CSE1L: variants seen among roughly 807,000 people sequenced by gnomAD.
The protein encoded by CSE1L is exportin-2.
A neutral mutation model predicts 120.4 loss-of-function variants in CSE1L; 24 were observed. The observed-to-expected ratio is 0.20, with a 90% CI of 0.14 to 0.28. The LOEUF is 0.28. Among genes scored for constraint, CSE1L ranks in the 10% least tolerant of loss-of-function variants. The pLI is 1.00. For missense variants in CSE1L, 830 were observed against 1,145.2 expected (o/e 0.72, Z 3.97); for synonymous variants, 402 against 398.3 (o/e 1.01, Z -0.11).
chr20:49,074,353 G>A (rs183071166), intron 10 of CSE1L, among the ~76,000 whole-genome samples: 1 of 151,964 alleles, frequency 6.6e-6, no homozygotes, highest in Admixed American at 6.6e-5. Context: ...TTACACGCGT[G>A]AGCCACCATG....
intron 10 of CSE1L, among the ~76,000 whole-genome samples, chr20:49,074,268 C>T (rs532636032): frequency 2.8e-5 from 4 of 144,234 alleles, no homozygotes; most frequent in Non-Finnish European, 6.0e-5. Flanking sequence ...GATGAGATCT[C>T]GCTGTGTTGA....
At chr20:49,085,817 C>T (rs569982286) in intron 16 of CSE1L, among the ~76,000 whole-genome samples, 55 of 151,944 alleles carry the variant, frequency 3.6e-4, no homozygotes, top group African/African-American at 1.1e-3. Context: ...AATATCTGCC[C>T]GCCTCAGCCT....
chr20:49,082,712 G>A (rs990643898), intron 14 of CSE1L, among the ~76,000 whole-genome samples: 2 of 151,684 alleles, frequency 1.3e-5, no homozygotes, highest in Admixed American at 6.6e-5. Context: ...TAGTAGAGAC[G>A]GGGTTTCACT....
chr20:49,090,681 T>A, intron 19 of CSE1L, 61 bp from the exon 20 acceptor site: 1 of 1,260,494 alleles, frequency 7.9e-7, no homozygotes, highest in Non-Finnish European at 1.2e-6. Context: ...ATATATCATG[T>A]TTAACTTTTC....
intron 22 of CSE1L, 117 bp from the exon 23 acceptor site, chr20:49,094,023 A>C (rs2092121792): frequency 4.1e-6 from 1 of 244,748 alleles, no homozygotes; most frequent in Admixed American, 8.1e-5. Flanking sequence ...GATCAAAAAC[A>C]GCAGTCTTGT....
intron 1 of CSE1L, 66 bp from the exon 2 acceptor site, chr20:49,058,387 T>TTACA: frequency 8.5e-7 from 1 of 1,181,196 alleles, no homozygotes; most frequent in Non-Finnish European, 1.2e-6. Flanking sequence ...TATAAACGGA[T>TTACA]TTCTTTAAAT....
At chr20:49,075,628 C>CCA in intron 12 of CSE1L, 108 bp downstream of exon 12, 2 of 845,508 alleles carry the variant, frequency 2.4e-6, no homozygotes, top group Middle Eastern at 3.3e-4. Flanking sequence ...GCCAGATAAC[C>CCA]TATTCTGATT....
chr20:49,055,597 G>A (rs2091800440), intron 1 of CSE1L, among the ~76,000 whole-genome samples: 1 of 152,114 alleles, frequency 6.6e-6, no homozygotes, highest in South Asian at 2.1e-4. Context: ...TGCGCCTGTA[G>A]TCCCAGCTAC....
chr20:49,047,564 C>CTCTTTTTTTTTTTTTTTTT (rs2091726745), intron 1 of CSE1L, among the ~76,000 whole-genome samples: 1 of 69,928 alleles, frequency 1.4e-5, no homozygotes, highest in Non-Finnish European at 2.6e-5. Flanking sequence ...TTTCTCTTTT[C>CTCTTTTTTTTTTTTTTTTT]TTTTTTTTTT....
chr20:49,048,715 G>T lies in CSE1L; in HGVS notation c.-12+2292G>T, dbSNP rs1024722660. 2.6e-5 allele frequency among the ~76,000 whole-genome samples: 4 copies of T among 152,176 alleles called. No homozygotes were observed. The South Asian group carries it at 8.3e-4, about 31-fold the overall frequency. ...AATATCCAGGACCCGGATCATAGAA[G>T]GCTTTGTAGGCAATGTAAGGAGTTT... On this transcript the variant is annotated intron_variant, in intron 1 of 24. Coordinates refer to ENST00000262982, the MANE Select transcript of CSE1L (RefSeq NM_001316.4).
In CSE1L at chr20:49,063,314, C is replaced by G. The variant is rs1233085465; in HGVS notation, c.198C>G (p.Phe66Leu). ...NVIKVCASVT[F>L]KNYIKRNWRI... ...TCAAAGTATGTGCTTCAGTAACATT[C>G]AAAAACTATATTAAAAGGAACTGGA... Residue 66 changes from phenylalanine to leucine, a missense_variant, in exon 3 of 25, where the codon TTC becomes TTG. By Grantham distance (22) the Phe-to-Leu change is conservative. This residue lies in a region of CSE1L where 543 missense variants were observed against 640.2 expected (regional missense o/e 0.85). Coordinates refer to ENST00000262982, the MANE Select transcript of CSE1L (RefSeq NM_001316.4). 1 of 1,520,552 alleles carries G rather than the reference C, an allele frequency of 6.6e-7. No homozygotes were observed. Among genetic ancestry groups the G allele is most frequent in the Middle Eastern group, 1.7e-4 (1 of 5,778 alleles). 94.2% of individuals were successfully genotyped at this position (1,520,552 alleles called of 1,614,324 possible).
rs952248898 is a variant in CSE1L, at chr20:49,072,091, G to A, written c.769-195G>A. ...AGAATATACTGTTTGAATCTAATAC[G>A]GAAATATTTTGTAATTCAGCAACTT... On this transcript the variant is annotated intron_variant, in intron 8 of 24. Transcript: ENST00000262982. 3.3e-5 allele frequency among the ~76,000 whole-genome samples: 5 copies of A among 152,266 alleles called. No homozygotes were observed. The South Asian group carries it at 8.3e-4, about 25-fold the overall frequency.
intron 1 of CSE1L, among the ~76,000 whole-genome samples, chr20:49,056,240 G>A (rs916465048): frequency 6.6e-6 from 1 of 151,886 alleles, no homozygotes; most frequent in Non-Finnish European, 1.5e-5. Context: ...CAAGTAACTG[G>A]GATTACAGGT....
intron 17 of CSE1L, among the ~76,000 whole-genome samples, chr20:49,088,968 C>T (rs2092080836): frequency 6.6e-6 from 1 of 152,096 alleles, no homozygotes; most frequent in African/African-American, 2.4e-5. Context: ...ATTACTAGGA[C>T]TTAGTATTTC....
rs899187216 is a variant in CSE1L at position 49,058,462 on chromosome 20, C to T, written c.-2C>T. ...TTATTTTATATTTTAGATCCTATAGCAATGGAACTCAGCGATGCAAATCTG... is the reference window on the plus strand; with the variant it reads ...TTATTTTATATTTTAGATCCTATAGTAATGGAACTCAGCGATGCAAATCTG... On this transcript the variant is annotated 5_prime_UTR_variant, in exon 2 of 25. Coordinates refer to ENST00000262982, the MANE Select transcript of CSE1L (RefSeq NM_001316.4). 11 of 1,609,028 alleles carry T rather than the reference C, an allele frequency of 6.8e-6. No individual in the cohort carries two copies. The highest frequency in any genetic ancestry group is 8.5e-6 in the Non-Finnish European group (10 of 1,176,230).
intron 1 of CSE1L, among the ~76,000 whole-genome samples, chr20:49,049,508 G>T (rs1168392851): frequency 6.6e-6 from 1 of 152,102 alleles, no homozygotes; most frequent in Admixed American, 6.6e-5. Flanking sequence ...TCTAGTTTGA[G>T]TCATTTTTAG....
intron 2 of CSE1L, among the ~76,000 whole-genome samples, chr20:49,060,889 C>G (rs964588102): frequency 6.6e-6 from 1 of 152,170 alleles, no homozygotes; most frequent in Non-Finnish European, 1.5e-5. Context: ...TGCTCTTGAC[C>G]TGTTTCTTCA....
rs1270150960 is a variant in CSE1L, at chr20:49,096,423, T to C, written c.2901T>C (p.Ser967=). ...QYLQGYLQAA[S]VTLL is the part of the protein sequence containing the mutation. ...TCCAAGGGTACCTTCAGGCAGCCAG[T>C]GTGACACTGCTTTAAACTGCATTTT... The change falls in exon 25 of 25, where the codon AGT becomes AGC. Residue 967 remains serine (S), a synonymous_variant. Coordinates refer to ENST00000262982, the MANE Select transcript of CSE1L (RefSeq NM_001316.4). The C allele has an allele frequency of 6.2e-7, 1 of 1,613,930 alleles. No individual in the cohort carries two copies. Among genetic ancestry groups the C allele is most frequent in the Non-Finnish European group, 8.5e-7 (1 of 1,179,766 alleles).
In CSE1L at chr20:49,083,992, G is replaced by A. The variant is rs2092033841; in HGVS notation, c.1483-34G>A. On this transcript the variant is annotated intron_variant, in intron 14 of 24. Coordinates refer to ENST00000262982, the MANE Select transcript of CSE1L (RefSeq NM_001316.4). ...TCTTTTACTCAAATATGGAATCATT[G>A]CATTTAGAGCATGTATATTATTGTG... 3 of 1,584,686 alleles carry A rather than the reference G, an allele frequency of 1.9e-6. No individual in the cohort carries two copies. The African/African-American group carries it at 4.0e-5, about 21-fold the overall frequency.
Sources: allele counts gnomAD v4.1 joint callset (sites outside exome capture counted in the v4.1 genomes callset), GRCh38; gene constraint gnomAD v4.1.1; regional missense constraint gnomAD v4.1.1; transcripts MANE v1.5; gene names NCBI Gene and HGNC (gene_info 2026-07-23, HGNC 2026-07-21).